The following PLCB3 variants were observed in gnomAD, a reference collection of about 807,000 sequenced individuals.
The protein encoded by PLCB3 is phospholipase C beta 3, also known as 1-phosphatidylinositol 4,5-bisphosphate phosphodiesterase beta-3.
Under a neutral mutation model 152.1 loss-of-function variants are expected in PLCB3, and 54 were observed. The observed-to-expected ratio is 0.36, with a 90% confidence interval of 0.29 to 0.45. The LOEUF is 0.45. Ranked by LOEUF, PLCB3 falls within the 20% of genes least tolerant of loss-of-function variation. The pLI, the probability that PLCB3 is intolerant of heterozygous loss-of-function variation, is 1.00. For missense variants in PLCB3, 1,248 were observed against 1,687.5 expected, an observed-to-expected ratio of 0.74 and a Z score of 4.56; for synonymous variants, 717 against 698.7, an observed-to-expected ratio of 1.03 and a Z score of -0.41.
chr11:64,260,199 G>A lies in PLCB3; in HGVS notation c.1696G>A (p.Glu566Lys). ...EDEEEDEEEEEQTDPKKPTTD... is the reference protein window; with the variant it reads ...EDEEEDEEEEKQTDPKKPTTD... The stretch of plus-strand genomic sequence containing the variant: ...TGAGGAGGAAGATGAGGAAGAGGAG[G>A]AACAGACAGACCCCAAAAAGCCAAC... The change falls in exon 14 of 31, where the codon GAA (glutamate) becomes AAA (lysine). Residue 566 changes from glutamate (E) to lysine (K), a missense_variant. Transcript: ENST00000279230. 1.3e-6 allele frequency: 2 copies of A among 1,582,736 alleles called. No individual in the cohort carries two copies. The highest frequency in any genetic ancestry group is 8.6e-7 in the Non-Finnish European group (1 of 1,163,670).
At chr11:64,253,837 G>A (rs1304406980) in intron 1 of PLCB3, among the ~76,000 whole-genome samples, 3 of 152,236 alleles carry the variant, frequency 2.0e-5, no homozygotes, top group African/African-American at 7.2e-5. Context: ...ACGAGATGGG[G>A]ATGAGCTTTG....
Position 64,267,628 on chromosome 11 carries a change from CTT to C in PLCB3, c.*88_*89del, listed in dbSNP as rs570819056. The C allele has an allele frequency of 0.027, 19,919 of 749,516 alleles. No homozygotes were observed. Among genetic ancestry groups the C allele is most frequent in the Non-Finnish European group, 0.029 (14,429 of 494,874 alleles). The allele number at this position is 749,516 out of a possible 1,614,324, so 46.4% of individuals were successfully genotyped here. Reference sequence around the variant, plus strand: ...AGGGCAGGAGGCAATGACACTAATGCTTTTTTTTTTTTTTTTTAACTTTTTAT... The same window carrying C: ...AGGGCAGGAGGCAATGACACTAATGCTTTTTTTTTTTTTTTAACTTTTTAT... On this transcript the variant is annotated 3_prime_UTR_variant, in exon 31 of 31. Coordinates refer to ENST00000279230, the MANE Select transcript of PLCB3 (RefSeq NM_000932.5). The surrounding 1 kb of genome is among the most constrained non-coding windows in gnomAD (Gnocchi z 5.2).
At position 64,266,429 on chromosome 11, in the gene PLCB3, A is replaced by G; in HGVS notation, c.3356+25A>G. ...CGTAAGGGCACCGGGACCGGGGGCCATCTGGGTACTGGGGAGGCAGGGCAG... is the reference window on the plus strand; with the variant it reads ...CGTAAGGGCACCGGGACCGGGGGCCGTCTGGGTACTGGGGAGGCAGGGCAG... On this transcript the variant is annotated intron_variant, in intron 28 of 30. Transcript: ENST00000279230. This position sits in a 1 kb window ranked among gnomAD's most constrained non-coding sequence, Gnocchi z 4.9. The G allele has an allele frequency of 6.2e-7, 1 of 1,601,354 alleles. No individual in the cohort carries two copies. The highest frequency in any genetic ancestry group is 1.1e-5 in the South Asian group (1 of 90,808).
At chr11:64,263,935 G>A in intron 21 of PLCB3, 86 bp from the exon 22 acceptor site, 1 of 1,234,750 alleles carries the variant, frequency 8.1e-7, no homozygotes, top group Non-Finnish European at 1.2e-6. Context: ...GACAAGCTCT[G>A]GAATTCCTCA....
At chr11:64,256,577 G>A (rs1429637629) in intron 9 of PLCB3, 35 bp downstream of exon 9, 9 of 1,613,246 alleles carry the variant, frequency 5.6e-6, no homozygotes, top group South Asian at 1.1e-5. Flanking sequence ...GTGGGGGCAG[G>A]TGGGACCCCA....
In PLCB3 at chr11:64,263,884, G is replaced by A. The variant is rs987907504; in HGVS notation, c.2560+89G>A. 17 of 1,232,568 alleles carry A rather than the reference G, an allele frequency of 1.4e-5. No individual in the cohort carries two copies. In the African/African-American group the frequency reaches 2.2e-4, roughly 16 times the overall value. 76.4% of individuals were successfully genotyped at this position (1,232,568 alleles called of 1,614,324 possible). On this transcript the variant is annotated intron_variant, in intron 21 of 30. Coordinates refer to ENST00000279230, the MANE Select transcript of PLCB3 (RefSeq NM_000932.5). The stretch of plus-strand genomic sequence containing the variant: ...GGCCTGGGAGTGGCCGAGCTGGATG[G>A]CCCCGACTGAGTAGGGAACTGAGTA...
At position 64,258,646 on chromosome 11, in the gene PLCB3, A is replaced by G; in HGVS notation, c.1186A>G (p.Ile396Val). The G allele has an allele frequency of 6.8e-6, 11 of 1,614,008 alleles. No homozygotes were observed. The highest frequency in any genetic ancestry group is 8.5e-6 in the Non-Finnish European group (10 of 1,180,000). ...GCCTCTGCGCGACGTGCTGGAGGCC[A>G]TTGCCGAGACTGCCTTCAAGACCTC... Reference protein sequence around the residue: ...EVPLRDVLEAIAETAFKTSPY... With the variant: ...EVPLRDVLEAVAETAFKTSPY... Residue 396 changes from isoleucine (I) to valine (V), a missense_variant, in exon 11 of 31, where the codon ATT becomes GTT. Coordinates refer to ENST00000279230, the MANE Select transcript of PLCB3 (RefSeq NM_000932.5). The surrounding 1 kb of genome is among the most constrained non-coding windows in gnomAD (Gnocchi z 7.2).
At chr11:64,256,277 G>A in intron 8 of PLCB3, 99 bp from the exon 9 acceptor site, 1 of 1,094,148 alleles carries the variant, frequency 9.1e-7, no homozygotes, top group Non-Finnish European at 1.3e-6. Context: ...GCCAGATCCA[G>A]GGGCAGGCCT....
downstream of PLCB3, chr11:64,268,474 T>C (rs1565340717): frequency 6.6e-6 from 1 of 152,110 alleles, no homozygotes; most frequent in Non-Finnish European, 1.5e-5. Flanking sequence ...CCCTCATCCC[T>C]GTGAGGGAGA....
chr11:64,258,980 T>A lies in PLCB3; in HGVS notation c.1338+11T>A. On this transcript the variant is annotated intron_variant, in intron 12 of 30. Coordinates refer to ENST00000279230, the MANE Select transcript of PLCB3 (RefSeq NM_000932.5). This position sits in a 1 kb window ranked among gnomAD's most constrained non-coding sequence, Gnocchi z 7.2. ...CTGGACAAGTACCCGGTACGGGAGC[T>A]CGGAGCGAGGGGGGTGGCATGGGGG... The A allele has an allele frequency of 6.2e-7, 1 of 1,613,640 alleles. No homozygotes were observed. Among genetic ancestry groups the A allele is most frequent in the Non-Finnish European group, 8.5e-7 (1 of 1,179,904 alleles).
Position 64,255,375 on chromosome 11 carries a change from C to A in PLCB3, c.468-21C>A. ...TCACGTGGCCGTTTTCAGGGTGTGA[C>A]CTCTTCATCTGCCTTCCCAGATACA... On this transcript the variant is annotated intron_variant, in intron 5 of 30. Coordinates refer to ENST00000279230, the MANE Select transcript of PLCB3 (RefSeq NM_000932.5). This position sits in a 1 kb window ranked among gnomAD's most constrained non-coding sequence, Gnocchi z 6.8. The A allele has an allele frequency of 6.2e-7, 1 of 1,614,072 alleles. No individual in the cohort carries two copies. Among genetic ancestry groups the A allele is most frequent in the South Asian group, 1.1e-5 (1 of 91,080 alleles).
chr11:64,251,758 C>T lies in PLCB3; in HGVS notation c.99+10C>T. 1 of 1,410,086 alleles carries T rather than the reference C, an allele frequency of 7.1e-7. No homozygotes were observed. Among genetic ancestry groups the T allele is most frequent in the Non-Finnish European group, 9.4e-7 (1 of 1,063,642 alleles). 87.3% of individuals were successfully genotyped at this position (1,410,086 alleles called of 1,614,324 possible). A position where few individuals can be genotyped will look rare whatever the true frequency, so the allele number is the denominator to read the frequency against. On this transcript the variant is annotated intron_variant, in intron 1 of 30. Coordinates refer to ENST00000279230, the MANE Select transcript of PLCB3 (RefSeq NM_000932.5). ...CATCAAATGGGACGAGGTAAGCGCG[C>T]GGGCCCCTGCTCCGCCCAAATCCCG...
intron 14 of PLCB3, among the ~76,000 whole-genome samples, 174 bp downstream of exon 14, chr11:64,260,408 T>G (rs1296072743): frequency 6.6e-6 from 1 of 152,104 alleles, no homozygotes. Context: ...AAGCATACAG[T>G]TCTGCTGGTG....
intron 10 of PLCB3, among the ~76,000 whole-genome samples, chr11:64,257,943 C>T (rs1341767130): frequency 6.6e-6 from 1 of 151,998 alleles, no homozygotes; most frequent in Admixed American, 6.6e-5. Flanking sequence ...CACCTGAGGT[C>T]AGGAGTTCGA....
rs949646080 is a variant in PLCB3, at chr11:64,267,849, C to T, written c.*293C>T. 21 of 402,124 alleles carry T rather than the reference C, an allele frequency of 5.2e-5. No homozygotes were observed. Among genetic ancestry groups the T allele is most frequent in the African/African-American group, 1.9e-4 (9 of 48,008 alleles). The allele number at this position is 402,124 out of a possible 1,614,324, so 24.9% of individuals were successfully genotyped here. On this transcript the variant is annotated 3_prime_UTR_variant, in exon 31 of 31. Transcript: ENST00000279230. This position sits in a 1 kb window ranked among gnomAD's most constrained non-coding sequence, Gnocchi z 5.2. ...AGAGCTGGCTGGAGACTTGGAGCTC[C>T]GGGAAGTAGGAGTCACATTTTTTTC...
intron 1 of PLCB3, 71 bp downstream of exon 1, chr11:64,251,819 AC>A: frequency 2.2e-6 from 2 of 901,348 alleles, no homozygotes; most frequent in Non-Finnish European, 3.1e-6. Flanking sequence ...GACGCTGGGG[AC>A]CCCCACCCCA....
chr11:64,255,835 G>T lies in PLCB3; in HGVS notation c.698+14G>T. ...CCTGCTGGAGATGTGAGTGGGCCCG[G>T]CCTGCCTCACAACCCCTGTGCTCTG... On this transcript the variant is annotated intron_variant, in intron 8 of 30. Coordinates refer to ENST00000279230, the MANE Select transcript of PLCB3 (RefSeq NM_000932.5). This position sits in a 1 kb window ranked among gnomAD's most constrained non-coding sequence, Gnocchi z 6.8. The T allele has an allele frequency of 6.4e-7, 1 of 1,572,580 alleles. No individual in the cohort carries two copies. The highest frequency in any genetic ancestry group is 1.3e-5 in the African/African-American group (1 of 74,358).
intron 25 of PLCB3, 144 bp from the exon 26 acceptor site, chr11:64,265,742 A>T (rs893619530): frequency 8.0e-6 from 10 of 1,251,838 alleles, no homozygotes; most frequent in Non-Finnish European, 1.1e-5. Context: ...GGGTGGAGCT[A>T]ACAGGCCTCC....
In PLCB3 at chr11:64,265,193, G is replaced by A; in HGVS notation, c.2808G>A (p.Gly936=). The A allele has an allele frequency of 6.3e-7, 1 of 1,596,428 alleles. No individual in the cohort carries two copies. Among genetic ancestry groups the A allele is most frequent in the Non-Finnish European group, 8.5e-7 (1 of 1,170,802 alleles). The part of the protein sequence containing the change: ...SPASTSLSSP[G]QRDDLIASIL... ...CCTCACAGGGCCTCTGCTCCCCAGG[G>A]CAGCGTGATGATCTCATCGCCAGCA... Residue 936 remains glycine (G), a splice_region_variant and synonymous_variant, in exon 24 of 31, where the codon GGG becomes GGA. Transcript: ENST00000279230.
Sources: allele counts gnomAD v4.1 joint callset (sites outside exome capture counted in the v4.1 genomes callset), GRCh38; gene constraint gnomAD v4.1.1; non-coding constraint Gnocchi (gnomAD v3.1); transcripts MANE v1.5; gene names NCBI Gene and HGNC (gene_info 2026-07-23, HGNC 2026-07-21).